The following PARP12 variants were observed in gnomAD, a reference collection of about 807,000 sequenced individuals.
PARP12 encodes the protein poly(ADP-ribose) polymerase family member 12.
PARP12 carries 59 observed loss-of-function variants against 72.4 expected under a neutral mutation model. The observed-to-expected ratio is 0.81, with a 90% CI of 0.66 to 1.01. The LOEUF is 1.01. PARP12 is among the 50% of genes least tolerant of loss of function. The pLI is 0.00. For missense variants in PARP12, 851 were observed against 914.0 expected, an observed-to-expected ratio of 0.93 and a Z score of 0.89; for synonymous variants, 403 against 371.4, an observed-to-expected ratio of 1.09 and a Z score of -0.98.
intron 4 of PARP12, among the ~76,000 whole-genome samples, chr7:140,049,039 C>A (rs1816849117): frequency 1.3e-5 from 2 of 152,128 alleles, no homozygotes; most frequent in Non-Finnish European, 2.9e-5. Flanking sequence ...TTAAAATTTT[C>A]TAAAATTGTG....
intron 4 of PARP12, among the ~76,000 whole-genome samples, chr7:140,049,208 G>A (rs912213157): frequency 7.2e-5 from 11 of 152,114 alleles, no homozygotes; most frequent in African/African-American, 2.4e-4. Flanking sequence ...CAGGCTGAGA[G>A]GACTGAGGGA....
At chr7:140,027,495 C>A in intron 9 of PARP12, 89 bp from the exon 10 acceptor site, 6 of 1,500,022 alleles carry the variant, frequency 4.0e-6, no homozygotes, top group Admixed American at 3.6e-5. Context: ...AACACTAGAA[C>A]CGCAGAAGCA....
intron 7 of PARP12, among the ~76,000 whole-genome samples, chr7:140,034,920 G>T (rs1402353195): frequency 6.6e-6 from 1 of 152,076 alleles, no homozygotes; most frequent in Non-Finnish European, 1.5e-5. Context: ...GTCCTTGCCT[G>T]CCAGGAAAAC....
intron 3 of PARP12, among the ~76,000 whole-genome samples, chr7:140,055,103 ACCTC>A: frequency 6.6e-6 from 1 of 152,302 alleles, no homozygotes; most frequent in South Asian, 2.1e-4. Flanking sequence ...CTGAATCAGA[ACCTC>A]CAGGGGTGGG....
chr7:140,060,212 A>G (rs555654104), intron 1 of PARP12, among the ~76,000 whole-genome samples: 53 of 152,348 alleles, frequency 3.5e-4, no homozygotes, highest in African/African-American at 1.1e-3. Flanking sequence ...CGAAGCCATC[A>G]GCTAGCAAGG....
At position 140,061,516 on chromosome 7, in the gene PARP12, C is replaced by T. The variant is rs549210706; in HGVS notation, c.326+1006G>A. ...AGGGAGCAGGGGAGGAAGGAATTCT[C>T]CTTGATGACTAGCTTCCCAGTGGTT... On this transcript the variant is annotated intron_variant, in intron 1 of 11. Transcript: ENST00000263549. Among the ~76,000 whole-genome samples the T allele has an allele frequency of 2.0e-5, 3 of 152,294 alleles. No homozygotes were observed. In the East Asian group the frequency reaches 5.8e-4, roughly 29 times the overall value.
chr7:140,057,617 A>G (rs929345638), intron 2 of PARP12: 5 of 445,804 alleles, frequency 1.1e-5, no homozygotes, highest in Admixed American at 7.6e-5. Flanking sequence ...CCACCCTTTC[A>G]TTTCTCAATG....
At chr7:140,029,909 A>C (rs942475536) in intron 8 of PARP12, among the ~76,000 whole-genome samples, 3 of 152,222 alleles carry the variant, frequency 2.0e-5, no homozygotes, top group African/African-American at 7.2e-5. Flanking sequence ...GACATGGAGA[A>C]CAGTGAGAAC....
chr7:140,059,175 AAGG>A (rs2116676016), intron 1 of PARP12, among the ~76,000 whole-genome samples: 1 of 152,312 alleles, frequency 6.6e-6, no homozygotes, highest in African/African-American at 2.4e-5. Flanking sequence ...TGTATTTACC[AAGG>A]AGGAGATGGG....
At chr7:140,062,412 G>A (rs1181136564) in intron 1 of PARP12, 110 bp downstream of exon 1, 18 of 1,142,726 alleles carry the variant, frequency 1.6e-5, no homozygotes, top group Middle Eastern at 6.1e-4. Flanking sequence ...GGTCAGGGCA[G>A]AGCCACCGAA....
intron 10 of PARP12, 36 bp downstream of exon 10, chr7:140,027,240 G>C (rs751038813): frequency 3.1e-6 from 5 of 1,604,736 alleles, no homozygotes; most frequent in East Asian, 4.5e-5. Context: ...TGAAGGGACA[G>C]AGTCACCAGC....
intron 1 of PARP12, among the ~76,000 whole-genome samples, chr7:140,059,397 C>T (rs1175769109): frequency 8.9e-6 from 1 of 111,812 alleles, no homozygotes; most frequent in Non-Finnish European, 1.7e-5. Context: ...GAGCCCTGAA[C>T]CTAGCTTTTT....
chr7:140,027,200 C>T lies in PARP12; in HGVS notation c.1628+76G>A, dbSNP rs570722146. On this transcript the variant is annotated intron_variant, in intron 10 of 11. Coordinates refer to ENST00000263549, the MANE Select transcript of PARP12 (RefSeq NM_022750.4). ...TGCCGCTCTGCTTTTCCTGGAAACCCGGGCCACATGTGGCAACCAGCCAGT... is the reference window on the plus strand; with the variant it reads ...TGCCGCTCTGCTTTTCCTGGAAACCTGGGCCACATGTGGCAACCAGCCAGT... 39 of 1,558,844 alleles carry T rather than the reference C, an allele frequency of 2.5e-5. No individual in the cohort carries two copies. The African/African-American group carries it at 3.7e-4, about 15-fold the overall frequency.
chr7:140,031,678 A>G (rs554684009), intron 8 of PARP12, among the ~76,000 whole-genome samples: 1 of 152,306 alleles, frequency 6.6e-6, no homozygotes, highest in Admixed American at 6.5e-5. Context: ...CTTAGTCTGA[A>G]TCACTTTTAG....
intron 8 of PARP12, among the ~76,000 whole-genome samples, chr7:140,029,771 T>C (rs1194104624): frequency 6.6e-6 from 1 of 152,184 alleles, no homozygotes; most frequent in Non-Finnish European, 1.5e-5. Flanking sequence ...AAAAGTGTAG[T>C]GGACAGGCTT....
rs369708635 is a variant in PARP12 at position 140,037,826 on chromosome 7, T to G, written c.1213A>C (p.Ser405Arg). ...GTVHPVTTVSSSDVEKAYLAY... is the reference protein window; with the variant it reads ...GTVHPVTTVSRSDVEKAYLAY... ...AGGTAGGCCTTCTCCACGTCGCTAC[T>G]GCTGACAGTGGTCACAGGGTGCACC... Residue 405 changes from serine (S) to arginine (R), a missense_variant, in exon 7 of 12, where the codon AGT (serine) becomes CGT (arginine). By Grantham distance (110) the Ser-to-Arg change is moderately radical. This residue lies in a region of PARP12 where 347 missense variants were observed against 396.1 expected (regional missense o/e 0.88). Coordinates refer to ENST00000263549, the MANE Select transcript of PARP12 (RefSeq NM_022750.4). 5.0e-6 allele frequency: 8 copies of G among 1,613,210 alleles called. No individual in the cohort carries two copies. Among genetic ancestry groups the G allele is most frequent in the South Asian group, 1.1e-5 (1 of 91,072 alleles).
chr7:140,029,848 A>C (rs1187979134), intron 8 of PARP12, among the ~76,000 whole-genome samples: 1 of 152,222 alleles, frequency 6.6e-6, no homozygotes, highest in African/African-American at 2.4e-5. Flanking sequence ...GAAATTGTCC[A>C]GAATGTGGCC....
chr7:140,062,773 C>T lies in PARP12; in HGVS notation c.75G>A (p.Glu25=). 7.1e-7 allele frequency: 1 copy of T among 1,400,674 alleles called. No homozygotes were observed. Among genetic ancestry groups the T allele is most frequent in the Non-Finnish European group, 9.3e-7 (1 of 1,073,442 alleles). The allele number at this position is 1,400,674 out of a possible 1,614,324, so 86.8% of individuals were successfully genotyped here. A position where few individuals can be genotyped will look rare whatever the true frequency, so the allele number is the denominator to read the frequency against. The change falls in exon 1 of 12, where the codon GAG becomes GAA. Residue 25 remains glutamate, a synonymous_variant. Transcript: ENST00000263549. ...AGCCCATCCGCAAGCGGCGCCGCAGCTCGGGCAACTCCAGGGCGCCCCCGG... is the reference window on the plus strand; with the variant it reads ...AGCCCATCCGCAAGCGGCGCCGCAGTTCGGGCAACTCCAGGGCGCCCCCGG... ...CAAGGALELP[E]LRRRLRMGLS...
intron 4 of PARP12, 22 bp from the exon 5 acceptor site, chr7:140,047,029 G>GT: frequency 1.2e-6 from 2 of 1,602,124 alleles, no homozygotes; most frequent in Non-Finnish European, 1.7e-6. Flanking sequence ...ACATAAAGGA[G>GT]TAAGATAGCT....
Sources: allele counts gnomAD v4.1 joint callset (sites outside exome capture counted in the v4.1 genomes callset), GRCh38; gene constraint gnomAD v4.1.1; regional missense constraint gnomAD v4.1.1; transcripts MANE v1.5; gene names NCBI Gene and HGNC (gene_info 2026-07-23, HGNC 2026-07-21).